The following CNTNAP2 variants were observed in gnomAD, a reference collection of about 807,000 sequenced individuals.
The protein encoded by CNTNAP2 is contactin associated protein 2.
Under a neutral mutation model 155.2 loss-of-function variants are expected in CNTNAP2, and 98 were observed. The ratio of observed to expected loss-of-function variants is 0.63; its 90% CI spans 0.54 to 0.75. CNTNAP2 has a LOEUF of 0.75. Among genes scored for constraint, CNTNAP2 ranks in the 30% least tolerant of loss-of-function variants. The pLI is 0.00. For missense variants in CNTNAP2, 1,727 were observed against 1,688.1 expected, an observed-to-expected ratio of 1.02 and a Z score of -0.40; for synonymous variants, 651 against 631.2, an observed-to-expected ratio of 1.03 and a Z score of -0.47.
chr7:146,795,910 A>C (rs747014608), intron 2 of CNTNAP2, among the ~76,000 whole-genome samples: 1 of 152,208 alleles, frequency 6.6e-6, no homozygotes, highest in Non-Finnish European at 1.5e-5. Flanking sequence ...AATGTCCATA[A>C]ACATCATCAC....
chr7:148,064,202 T>C lies in CNTNAP2; in HGVS notation c.2384-53916T>C, dbSNP rs530390937. On this transcript the variant is annotated intron_variant, in intron 15 of 23. Transcript: ENST00000361727. Reference sequence around the variant, plus strand: ...TTGTTATTTTTGCTTAGTCTTGCTTTGGCCATGTGGGCTCTTTTTTAGTTC... The same window carrying C: ...TTGTTATTTTTGCTTAGTCTTGCTTCGGCCATGTGGGCTCTTTTTTAGTTC... Among the ~76,000 whole-genome samples the C allele has an allele frequency of 9.7e-4, 148 of 152,306 alleles. 4 individuals carry two copies. The South Asian group carries it at 0.028, about 29-fold the overall frequency.
intron 1 of CNTNAP2, among the ~76,000 whole-genome samples, chr7:146,660,410 G>T (rs1800067039): frequency 6.6e-6 from 1 of 152,166 alleles, no homozygotes; most frequent in Non-Finnish European, 1.5e-5. Flanking sequence ...CACTATGTTG[G>T]TCATTAACTA....
rs760707251 is a variant in CNTNAP2, at chr7:147,264,520, C to T, written c.1349-35621C>T. On this transcript the variant is annotated intron_variant, in intron 8 of 23. Transcript: ENST00000361727. ...ATCTGAGCTGCAGGAGGAGCAGCAG[C>T]CACTTACTGGTCCCTGCGGGCCTGT... Among the ~76,000 whole-genome samples the T allele has an allele frequency of 9.7e-4, 54 of 55,436 alleles. 1 individual carries two copies. The highest frequency in any genetic ancestry group is 2.9e-3 in the African/African-American group (39 of 13,564). 36.4% of individuals were successfully genotyped at this position (55,436 alleles called of 152,430 possible). A position where few individuals can be genotyped will look rare whatever the true frequency, so the allele number is the denominator to read the frequency against.
chr7:146,554,461 T>A (rs1798167695), intron 1 of CNTNAP2, among the ~76,000 whole-genome samples: 1 of 152,190 alleles, frequency 6.6e-6, no homozygotes, highest in African/African-American at 2.4e-5. Context: ...TTGTAATACT[T>A]TTTTTAAAAA....
At chr7:148,079,843 C>T (rs1454245867) in intron 15 of CNTNAP2, among the ~76,000 whole-genome samples, 1 of 152,118 alleles carries the variant, frequency 6.6e-6, no homozygotes, top group Non-Finnish European at 1.5e-5. Flanking sequence ...TATAATGAGG[C>T]ATGTGCAACC....
intron 1 of CNTNAP2, among the ~76,000 whole-genome samples, chr7:146,144,741 G>T (rs1797933319): frequency 6.6e-6 from 1 of 152,148 alleles, no homozygotes; most frequent in African/African-American, 2.4e-5. Flanking sequence ...ATTATTATTT[G>T]TTGTGTTGTT....
chr7:148,075,436 CAA>C lies in CNTNAP2; in HGVS notation c.2384-42669_2384-42668del, dbSNP rs200297733. ...TGGGTGACACAGCAAAACTTAATCT[CAA>C]AAAAAAAAAAAATTAATAATGCTGC... On this transcript the variant is annotated intron_variant, in intron 15 of 23. Transcript: ENST00000361727. 2.2e-3 allele frequency among the ~76,000 whole-genome samples: 310 copies of C among 140,694 alleles called. 1 individual carries two copies. The highest frequency in any genetic ancestry group is 7.4e-3 in the African/African-American group (283 of 38,284). 92.3% of individuals were successfully genotyped at this position (140,694 alleles called of 152,430 possible).
Position 146,276,371 on chromosome 7 carries a change from C to A in CNTNAP2, c.97+159398C>A, listed in dbSNP as rs565524315. 2.0e-3 allele frequency among the ~76,000 whole-genome samples: 308 copies of A among 152,256 alleles called. 2 individuals are homozygous for A. Among genetic ancestry groups the A allele is most frequent in the African/African-American group, 7.0e-3 (289 of 41,546 alleles). ...TAAAAACTCTATTGGGATATGGAAC[C>A]TATCTCAATATGCATCATCTTAACC... On this transcript the variant is annotated intron_variant, in intron 1 of 23. Coordinates refer to ENST00000361727, the MANE Select transcript of CNTNAP2 (RefSeq NM_014141.6).
intron 13 of CNTNAP2, among the ~76,000 whole-genome samples, chr7:147,731,746 C>T (rs922242509): frequency 1.3e-5 from 2 of 151,948 alleles, no homozygotes; most frequent in African/African-American, 4.8e-5. Flanking sequence ...AATTTTGAAA[C>T]TACTGGAAAG....
At chr7:147,681,726 A>G (rs1349699665) in intron 13 of CNTNAP2, among the ~76,000 whole-genome samples, 3 of 151,836 alleles carry the variant, frequency 2.0e-5, no homozygotes, top group African/African-American at 7.2e-5. Context: ...TCCCTTACCC[A>G]TGGTTTAGCT....
At chr7:147,238,293 G>C (rs1803860585) in intron 8 of CNTNAP2, among the ~76,000 whole-genome samples, 1 of 152,108 alleles carries the variant, frequency 6.6e-6, no homozygotes, top group South Asian at 2.1e-4. Context: ...GAGATTACAG[G>C]CGTGAGCCAC....
intron 1 of CNTNAP2, among the ~76,000 whole-genome samples, chr7:146,766,055 G>A (rs1171278838): frequency 6.6e-6 from 1 of 152,076 alleles, no homozygotes; most frequent in Non-Finnish European, 1.5e-5. Flanking sequence ...AATAAGAGGG[G>A]AAGCCATCAG....
intron 1 of CNTNAP2, among the ~76,000 whole-genome samples, chr7:146,226,055 T>C (rs1799287527): frequency 6.6e-6 from 1 of 152,192 alleles, no homozygotes; most frequent in Admixed American, 6.6e-5. Flanking sequence ...CAGATTTAGC[T>C]CTAATCCCAT....
At chr7:146,397,102 A>G (rs563097271) in intron 1 of CNTNAP2, among the ~76,000 whole-genome samples, 1 of 152,312 alleles carries the variant, frequency 6.6e-6, no homozygotes, top group Non-Finnish European at 1.5e-5. Flanking sequence ...GAGATGGGCT[A>G]CTAGTTGTAG....
intron 13 of CNTNAP2, among the ~76,000 whole-genome samples, chr7:147,829,439 A>C (rs1328369104): frequency 6.6e-6 from 1 of 152,220 alleles, no homozygotes; most frequent in Non-Finnish European, 1.5e-5. Context: ...TAAAAGTCTT[A>C]AATGTCACGT....
intron 1 of CNTNAP2, among the ~76,000 whole-genome samples, chr7:146,489,608 A>G (rs1563104211): frequency 6.6e-6 from 1 of 152,164 alleles, no homozygotes; most frequent in Non-Finnish European, 1.5e-5. Flanking sequence ...TGGAACTGTC[A>G]TTGGAGGTGC....
intron 4 of CNTNAP2, among the ~76,000 whole-genome samples, chr7:147,076,597 C>G (rs1301689650): frequency 1.3e-5 from 2 of 152,080 alleles, no homozygotes; most frequent in Non-Finnish European, 2.9e-5. Context: ...TTATGACTTT[C>G]AAAGCAATTT....
intron 3 of CNTNAP2, among the ~76,000 whole-genome samples, chr7:146,852,993 G>C (rs1211874111): frequency 6.6e-6 from 1 of 152,160 alleles, no homozygotes; most frequent in African/African-American, 2.4e-5. Context: ...GTGTATGACA[G>C]CCTAGAGCAA....
At chr7:146,581,717 A>T (rs559859258) in intron 1 of CNTNAP2, among the ~76,000 whole-genome samples, 2 of 152,148 alleles carry the variant, frequency 1.3e-5, no homozygotes, top group Non-Finnish European at 2.9e-5. Context: ...GACATTTTTC[A>T]TATAAAATTA....
Sources: allele counts gnomAD v4.1 joint callset (sites outside exome capture counted in the v4.1 genomes callset), GRCh38; gene constraint gnomAD v4.1.1; transcripts MANE v1.5; gene names NCBI Gene and HGNC (gene_info 2026-07-23, HGNC 2026-07-21).